Variants in RNF180 observed in about 807,000 individuals in gnomAD.
RNF180 encodes the protein E3 ubiquitin-protein ligase RNF180.
A neutral mutation model predicts 59.2 loss-of-function variants in RNF180; 38 were observed. That is an observed-to-expected ratio of 0.64 (90% confidence interval 0.50 to 0.84). The LOEUF is 0.84. RNF180 is among the 40% of genes least tolerant of loss of function. The probability of loss-of-function intolerance (pLI) is 0.00; values close to 1 mark genes in which losing one functional copy is unlikely to be tolerated. For missense variants in RNF180, 705 were observed against 700.9 expected (o/e 1.01, Z -0.07); for synonymous variants, 262 against 240.3 (o/e 1.09, Z -0.84).
In RNF180 at chr5:64,266,374, A is replaced by G. The variant is rs562805005; in HGVS notation, c.1227+48978A>G. On this transcript the variant is annotated intron_variant, in intron 5 of 7. Coordinates refer to ENST00000389100, the MANE Select transcript of RNF180 (RefSeq NM_001113561.2). ...CACCAGGTTCACATTTAAATATCGA[A>G]TTCATTTATTGGTTATAACTATAAT... Among the ~76,000 whole-genome samples the G allele has an allele frequency of 3.3e-5, 5 of 151,186 alleles. No individual in the cohort carries two copies. In the South Asian group the frequency reaches 6.2e-4, roughly 19 times the overall value.
chr5:64,371,203 C>T lies in RNF180; in HGVS notation c.*1389C>T, dbSNP rs1378780432. On this transcript the variant is annotated 3_prime_UTR_variant, in exon 8 of 8. Transcript: ENST00000389100. Reference sequence around the variant, plus strand: ...TATCTATTACAGAAAATAGTATACACTAGACATCAAATCCAGAAATCAGAA... The same window carrying T: ...TATCTATTACAGAAAATAGTATACATTAGACATCAAATCCAGAAATCAGAA... 1 of 151,502 alleles carries T rather than the reference C, an allele frequency of 6.6e-6. No individual in the cohort carries two copies. The highest frequency in any genetic ancestry group is 2.4e-5 in the African/African-American group (1 of 41,348). The allele number at this position is 151,502 out of a possible 1,614,324, so 9.4% of individuals were successfully genotyped here.
intron 7 of RNF180, among the ~76,000 whole-genome samples, chr5:64,368,146 C>T (rs908628816): frequency 6.6e-6 from 1 of 151,448 alleles, no homozygotes; most frequent in African/African-American, 2.4e-5. Context: ...CCAACAAATC[C>T]CCATGCTTTG....
chr5:64,215,232 G>A (rs986750784), intron 4 of RNF180, among the ~76,000 whole-genome samples: 5 of 151,988 alleles, frequency 3.3e-5, no homozygotes, highest in South Asian at 2.1e-4. Flanking sequence ...TTGAAAGTTC[G>A]AACCAATATG....
At position 64,330,306 on chromosome 5, in the gene RNF180, C is replaced by G; in HGVS notation, c.1479C>G (p.Phe493Leu). The G allele has an allele frequency of 6.6e-7, 1 of 1,512,024 alleles. No homozygotes were observed. The highest frequency in any genetic ancestry group is 9.0e-7 in the Non-Finnish European group (1 of 1,116,832). 93.7% of individuals were successfully genotyped at this position (1,512,024 alleles called of 1,614,324 possible). A position where few individuals can be genotyped will look rare whatever the true frequency, so the allele number is the denominator to read the frequency against. Residue 493 changes from phenylalanine to leucine, a missense_variant, in exon 7 of 8, where the codon TTC becomes TTG. Physicochemically the swap from Phe to Leu is conservative, Grantham distance 22. Coordinates refer to ENST00000389100, the MANE Select transcript of RNF180 (RefSeq NM_001113561.2). ...QTELNNATKT[F>L]FTKEYLKIKQ... ...AATTGAACAATGCCACAAAAACTTT[C>G]TTTACTAAAGAATATTTGAAAATAA...
At chr5:64,314,276 C>T (rs1580232377) in intron 5 of RNF180, among the ~76,000 whole-genome samples, 1 of 138,844 alleles carries the variant, frequency 7.2e-6, no homozygotes, top group African/African-American at 3.0e-5. Flanking sequence ...CTAAAATCTA[C>T]AGCATGCCAA....
In RNF180 at chr5:64,292,247, C is replaced by G. The variant is rs560425154; in HGVS notation, c.1228-32939C>G. On this transcript the variant is annotated intron_variant, in intron 5 of 7. Coordinates refer to ENST00000389100, the MANE Select transcript of RNF180 (RefSeq NM_001113561.2). Reference sequence around the variant, plus strand: ...AGTTTTCAGCATTTTTGCATTGATTCTGTCTTATTTTTGTGGGCTTGTCTG... The same window carrying G: ...AGTTTTCAGCATTTTTGCATTGATTGTGTCTTATTTTTGTGGGCTTGTCTG... Among the ~76,000 whole-genome samples, 222 of 152,140 alleles carry G rather than the reference C, an allele frequency of 1.5e-3. 1 individual carries two copies. The highest frequency in any genetic ancestry group is 4.9e-3 in the African/African-American group (202 of 41,522).
chr5:64,369,179 A>C (rs2112621629), intron 7 of RNF180, among the ~76,000 whole-genome samples: 1 of 152,160 alleles, frequency 6.6e-6, no homozygotes, highest in African/African-American at 2.4e-5. Context: ...ATGAAATAGG[A>C]AATCATCATT....
At chr5:64,242,981 A>G (rs1250627413) in intron 5 of RNF180, among the ~76,000 whole-genome samples, 2 of 152,176 alleles carry the variant, frequency 1.3e-5, no homozygotes, top group African/African-American at 4.8e-5. Context: ...TGAGAAGCAC[A>G]AAGGGTCAGG....
chr5:64,245,461 T>C (rs1448372850), intron 5 of RNF180, among the ~76,000 whole-genome samples: 1 of 152,118 alleles, frequency 6.6e-6, no homozygotes, highest in Non-Finnish European at 1.5e-5. Context: ...AAGCAGGGGT[T>C]GCAATCCTAG....
chr5:64,188,298 T>C (rs1263462176), intron 1 of RNF180, among the ~76,000 whole-genome samples: 1 of 152,134 alleles, frequency 6.6e-6, no homozygotes, highest in Non-Finnish European at 1.5e-5. Context: ...GAATGTTCTT[T>C]CTCATTTTCT....
At chr5:64,244,421 G>C (rs940469212) in intron 5 of RNF180, among the ~76,000 whole-genome samples, 1 of 150,378 alleles carries the variant, frequency 6.6e-6, no homozygotes, top group Non-Finnish European at 1.5e-5. Context: ...AAAAAAAACA[G>C]CATGAAAAGT....
intron 1 of RNF180, among the ~76,000 whole-genome samples, chr5:64,166,501 T>C (rs1000765563): frequency 3.3e-5 from 5 of 152,114 alleles, no homozygotes; most frequent in Non-Finnish European, 7.4e-5. Context: ...GACTTTCTGC[T>C]AGGCAGAGGT....
At chr5:64,244,930 A>G (rs1363929392) in intron 5 of RNF180, among the ~76,000 whole-genome samples, 1 of 151,272 alleles carries the variant, frequency 6.6e-6, no homozygotes, top group African/African-American at 2.5e-5. Context: ...GTGAGGGCAA[A>G]TATTCAACAT....
intron 5 of RNF180, among the ~76,000 whole-genome samples, chr5:64,324,981 A>G (rs1009147893): frequency 1.3e-5 from 2 of 152,328 alleles, no homozygotes; most frequent in East Asian, 3.9e-4. Flanking sequence ...ACTATGTCAC[A>G]ATACTAAAAA....
intron 5 of RNF180, among the ~76,000 whole-genome samples, chr5:64,260,169 C>G (rs549447644): frequency 2.0e-5 from 3 of 152,138 alleles, no homozygotes; most frequent in African/African-American, 7.2e-5. Context: ...GATATTTCGC[C>G]CAACAGACGT....
chr5:64,279,106 C>T (rs963081507), intron 5 of RNF180, among the ~76,000 whole-genome samples: 3 of 152,034 alleles, frequency 2.0e-5, no homozygotes, highest in African/African-American at 7.2e-5. Context: ...TATAACATAC[C>T]AACATTTAAT....
chr5:64,340,078 G>A (rs1444102461), intron 7 of RNF180, among the ~76,000 whole-genome samples: 5 of 152,064 alleles, frequency 3.3e-5, no homozygotes, highest in African/African-American at 1.2e-4. Flanking sequence ...GTATCCAACT[G>A]ATATGGTTTC....
At chr5:64,301,825 T>A (rs982752499) in intron 5 of RNF180, among the ~76,000 whole-genome samples, 1 of 151,550 alleles carries the variant, frequency 6.6e-6, no homozygotes, top group Non-Finnish European at 1.5e-5. Context: ...ATGGCACATA[T>A]CACTTCTATG....
At chr5:64,223,917 T>C (rs1284766040) in intron 5 of RNF180, among the ~76,000 whole-genome samples, 1 of 152,152 alleles carries the variant, frequency 6.6e-6, no homozygotes, top group East Asian at 1.9e-4. Flanking sequence ...AGAAATGCCA[T>C]ATTGTAGAGA....
Sources: gnomAD v4.1 joint callset for allele counts (sites outside exome capture counted in the v4.1 genomes callset) on GRCh38, gnomAD v4.1.1 for gene constraint, MANE v1.5 for transcripts, NCBI Gene and HGNC (gene_info 2026-07-23, HGNC 2026-07-21) for gene names.